IL7: variants seen among roughly 807,000 people sequenced by gnomAD.
The protein encoded by IL7 is interleukin 7.
In IL7, 3 loss-of-function variants were observed where a neutral mutation model predicts 21.6. That is an observed-to-expected ratio of 0.14 (90% CI 0.06 to 0.36). IL7 has a LOEUF of 0.36. IL7 is among the 10% of genes least tolerant of loss of function. The pLI, the probability that IL7 is intolerant of heterozygous loss-of-function variation, is 1.00. For missense variants in IL7, 175 were observed against 200.2 expected (o/e 0.87, Z 0.76); for synonymous variants, 62 against 68.1 (o/e 0.91, Z 0.44).
intron 3 of IL7, 123 bp downstream of exon 3, chr8:78,739,879 G>A: frequency 3.6e-6 from 3 of 823,578 alleles, no homozygotes; most frequent in Non-Finnish European, 5.0e-6. Flanking sequence ...TTTAATCAAT[G>A]GGAATTATGT....
At chr8:78,802,726 C>G (rs1814117997) in intron 1 of IL7, among the ~76,000 whole-genome samples, 1 of 152,122 alleles carries the variant, frequency 6.6e-6, no homozygotes, top group African/African-American at 2.4e-5. Flanking sequence ...AGCCACCATG[C>G]CTAGTCAGAA....
At position 78,733,870 on chromosome 8, in the gene IL7, T is replaced by G. The variant is rs147022524; in HGVS notation, c.415-38A>C. ...GTTTTAAAAGTTTAAACTTCACATTTTTACAAAAATATATATTTTAAAATA... is the reference window on the plus strand; with the variant it reads ...GTTTTAAAAGTTTAAACTTCACATTGTTACAAAAATATATATTTTAAAATA... On this transcript the variant is annotated intron_variant, in intron 5 of 5. Transcript: ENST00000263851. 9.2e-4 allele frequency: 1,212 copies of G among 1,313,582 alleles called. 20 individuals are homozygous for G. In the East Asian group the frequency reaches 0.022, roughly 24 times the overall value. The allele number at this position is 1,313,582 out of a possible 1,614,324, so 81.4% of individuals were successfully genotyped here.
intron 2 of IL7, among the ~76,000 whole-genome samples, chr8:78,758,852 A>G (rs1169442926): frequency 6.6e-6 from 1 of 152,000 alleles, no homozygotes; most frequent in East Asian, 1.9e-4. Flanking sequence ...TATTGAATCT[A>G]CTAGTAGATA....
chr8:78,786,314 G>C (rs892116159), intron 2 of IL7, among the ~76,000 whole-genome samples: 1 of 152,110 alleles, frequency 6.6e-6, no homozygotes, highest in Non-Finnish European at 1.5e-5. Context: ...GTATTTGTGT[G>C]TCTAAACATA....
At chr8:78,767,714 C>T (rs1211623866) in intron 2 of IL7, among the ~76,000 whole-genome samples, 2 of 152,036 alleles carry the variant, frequency 1.3e-5, no homozygotes, top group African/African-American at 4.8e-5. Context: ...TGTTTTATAT[C>T]ACCATTTCTC....
At chr8:78,775,783 AGGT>A (rs1813113137) in intron 2 of IL7, among the ~76,000 whole-genome samples, 1 of 152,056 alleles carries the variant, frequency 6.6e-6, no homozygotes, top group South Asian at 2.1e-4. Context: ...GGATTTCATA[AGGT>A]AACTGGGGGG....
chr8:78,737,851 T>C (rs1339584244), intron 4 of IL7, among the ~76,000 whole-genome samples: 1 of 152,160 alleles, frequency 6.6e-6, no homozygotes, highest in Non-Finnish European at 1.5e-5. Flanking sequence ...TGAAAACTTT[T>C]TAGTACTAAG....
At chr8:78,795,008 T>C (rs1179242735) in intron 2 of IL7, among the ~76,000 whole-genome samples, 2 of 151,906 alleles carry the variant, frequency 1.3e-5, no homozygotes, top group Non-Finnish European at 2.9e-5. Flanking sequence ...CCTTGGGAGG[T>C]AGGAGAGTGG....
intron 4 of IL7, among the ~76,000 whole-genome samples, chr8:78,685,132 A>G (rs1183221231): frequency 6.6e-6 from 1 of 152,200 alleles, no homozygotes; most frequent in Non-Finnish European, 1.5e-5. Flanking sequence ...GGAATGGAAG[A>G]GAAAGTTCAG....
downstream of IL7, among the ~76,000 whole-genome samples, chr8:78,675,138 T>C (rs1809540791): frequency 6.6e-6 from 1 of 151,706 alleles, no homozygotes; most frequent in African/African-American, 2.4e-5. Context: ...ATATTAATTT[T>C]ATTAATAATT....
intron 3 of IL7, among the ~76,000 whole-genome samples, chr8:78,705,181 G>A (rs1418361458): frequency 1.3e-5 from 2 of 152,228 alleles, no homozygotes; most frequent in African/African-American, 2.4e-5. Flanking sequence ...CGGTCACTTG[G>A]AGGAAAAGAG....
At chr8:78,737,220 T>C (rs892459532) in intron 4 of IL7, among the ~76,000 whole-genome samples, 2 of 152,102 alleles carry the variant, frequency 1.3e-5, no homozygotes, top group Non-Finnish European at 2.9e-5. Flanking sequence ...AGAGGTGATA[T>C]CAGTTTTCCG....
chr8:78,778,295 A>C (rs1813200941), intron 2 of IL7, among the ~76,000 whole-genome samples: 1 of 152,066 alleles, frequency 6.6e-6, no homozygotes, highest in Non-Finnish European at 1.5e-5. Context: ...CTCTCTGATG[A>C]AATGGCATTC....
At chr8:78,746,924 T>C (rs1170445497) in intron 2 of IL7, 2 of 399,352 alleles carry the variant, frequency 5.0e-6, no homozygotes, top group Non-Finnish European at 4.9e-6. Context: ...GATAGGACAG[T>C]TTTCTTCTGA....
In IL7 at chr8:78,678,670, C is replaced by T. The variant is rs368125887; in HGVS notation, n.274-2566G>A. On this transcript the variant is annotated intron_variant and non_coding_transcript_variant, in intron 4 of 4. Transcript: ENST00000523959. ...CTGATATTCCAACAGTAAAACCTCT[C>T]AAACCGAGGGTAACTATATAACCTT... is the stretch of plus-strand genomic sequence containing the variant. The T allele has an allele frequency of 4.5e-5, 73 of 1,605,732 alleles. No individual in the cohort carries two copies. In the African/African-American group the frequency reaches 8.9e-4, roughly 20 times the overall value.
chr8:78,697,442 T>A, intron 3 of IL7: 1 of 1,609,118 alleles, frequency 6.2e-7, no homozygotes, highest in Non-Finnish European at 8.5e-7. Flanking sequence ...CAAATTCTCC[T>A]GGAACTGCAT....
chr8:78,752,147 T>C lies in IL7; in HGVS notation c.148-12065A>G, dbSNP rs7841754. 2.4e-3 allele frequency among the ~76,000 whole-genome samples: 368 copies of C among 152,358 alleles called. 2 individuals are homozygous for C. The highest frequency in any genetic ancestry group is 8.2e-3 in the African/African-American group (343 of 41,586). ...AAGGTTATTTCATTGAGTGTATATA[T>C]ACTACATTTTCTTCATCCATTTGTT... is the stretch of plus-strand genomic sequence containing the variant. On this transcript the variant is annotated intron_variant, in intron 2 of 5. Coordinates refer to ENST00000263851, the MANE Select transcript of IL7 (RefSeq NM_000880.4).
chr8:78,745,342 G>A (rs564182338), intron 2 of IL7, among the ~76,000 whole-genome samples: 59 of 152,130 alleles, frequency 3.9e-4, no homozygotes, highest in African/African-American at 1.3e-3. Context: ...ACACAATTTC[G>A]TTTTGTGTGG....
chr8:78,774,185 C>A (rs1813056306), intron 2 of IL7, among the ~76,000 whole-genome samples: 1 of 151,952 alleles, frequency 6.6e-6, no homozygotes, highest in Non-Finnish European at 1.5e-5. Flanking sequence ...TTTGAGAAGG[C>A]AAGAGATACC....
Sources: allele counts gnomAD v4.1 joint callset (sites outside exome capture counted in the v4.1 genomes callset), GRCh38; gene constraint gnomAD v4.1.1; transcripts MANE v1.5; gene names NCBI Gene and HGNC (gene_info 2026-07-23, HGNC 2026-07-21).